Variants in ANAPC10 observed in about 807,000 individuals in gnomAD.
ANAPC10 encodes anaphase-promoting complex subunit 10.
In ANAPC10, 12 loss-of-function variants were observed where a neutral mutation model predicts 22.0. The observed-to-expected ratio is 0.55, with a 90% CI of 0.35 to 0.88. The LOEUF (loss-of-function observed/expected upper bound fraction) is 0.88, where lower values mean the gene tolerates loss of function less well. Among genes scored for constraint, ANAPC10 ranks in the 40% least tolerant of loss-of-function variants. The pLI is 0.01. For synonymous variants in ANAPC10, 65 were observed against 69.5 expected, an observed-to-expected ratio of 0.94 and a Z score of 0.32; for missense variants, 188 against 220.9, an observed-to-expected ratio of 0.85 and a Z score of 0.94.
chr4:145,028,481 T>A (rs993473054), intron 4 of ANAPC10, among the ~76,000 whole-genome samples: 1 of 151,992 alleles, frequency 6.6e-6, no homozygotes, highest in African/African-American at 2.4e-5. Context: ...TATATATACA[T>A]ATCTCCCATT....
chr4:145,000,945 C>G (rs1375362006), intron 4 of ANAPC10, among the ~76,000 whole-genome samples: 1 of 152,034 alleles, frequency 6.6e-6, no homozygotes, highest in Non-Finnish European at 1.5e-5. Flanking sequence ...ATCGCAAGGA[C>G]AGAAAACCAA....
chr4:145,045,223 G>A (rs1740121689), intron 4 of ANAPC10, among the ~76,000 whole-genome samples: 1 of 151,984 alleles, frequency 6.6e-6, no homozygotes, highest in Non-Finnish European at 1.5e-5. Context: ...TATGTGACCA[G>A]GTAATGTGAA....
intron 3 of ANAPC10, among the ~76,000 whole-genome samples, chr4:145,068,411 A>C (rs1295543979): frequency 1.7e-4 from 26 of 152,220 alleles, no homozygotes; most frequent in Admixed American, 1.7e-3. Flanking sequence ...AAAACTAAAT[A>C]TATGTGATAG....
intron 3 of ANAPC10, among the ~76,000 whole-genome samples, chr4:145,077,024 C>A (rs1745299523): frequency 6.6e-6 from 1 of 152,072 alleles, no homozygotes; most frequent in Non-Finnish European, 1.5e-5. Context: ...ACGGTGAAAC[C>A]CTGTCTCCAC....
At chr4:145,087,219 G>A (rs1015706258) in intron 2 of ANAPC10, among the ~76,000 whole-genome samples, 1 of 152,170 alleles carries the variant, frequency 6.6e-6, no homozygotes, top group South Asian at 2.1e-4. Context: ...AGCAGCATTA[G>A]TGGAGCAAGA....
intron 4 of ANAPC10, among the ~76,000 whole-genome samples, chr4:145,025,754 T>A (rs1293789917): frequency 6.6e-6 from 1 of 152,198 alleles, no homozygotes; most frequent in African/African-American, 2.4e-5. Flanking sequence ...ATGGCACTGA[T>A]AGACTTGCTC....
intron 2 of ANAPC10, among the ~76,000 whole-genome samples, chr4:145,090,393 C>T (rs778522250): frequency 6.6e-6 from 1 of 152,130 alleles, no homozygotes; most frequent in Non-Finnish European, 1.5e-5. Context: ...ATATGGAAGG[C>T]TAACTGTCCC....
chr4:145,077,472 A>T (rs948923391), intron 3 of ANAPC10, among the ~76,000 whole-genome samples: 2 of 152,138 alleles, frequency 1.3e-5, no homozygotes, highest in Admixed American at 6.5e-5. Context: ...AACCCTACTG[A>T]AACGATTGCA....
At chr4:145,042,925 A>T (rs1299382623) in intron 4 of ANAPC10, among the ~76,000 whole-genome samples, 1 of 152,134 alleles carries the variant, frequency 6.6e-6, no homozygotes, top group African/African-American at 2.4e-5. Context: ...TCTAAAAAAA[A>T]AACAAAATAA....
intron 3 of ANAPC10, among the ~76,000 whole-genome samples, chr4:145,071,775 T>C (rs913330098): frequency 6.6e-6 from 1 of 152,148 alleles, no homozygotes; most frequent in African/African-American, 2.4e-5. Context: ...ACAAGAGAAC[T>C]GCAGATAAAT....
intron 4 of ANAPC10, among the ~76,000 whole-genome samples, chr4:144,997,077 A>G (rs1372367613): frequency 6.6e-6 from 1 of 152,212 alleles, no homozygotes; most frequent in Non-Finnish European, 1.5e-5. Context: ...TCCAAGAAAT[A>G]TGGTACTATG....
At position 145,081,770 on chromosome 4, in the gene ANAPC10, C is replaced by A; in HGVS notation, c.116-20G>T. ...CAAATCCTAAAAACACCAAAAGTGTCAATAAATCCCTGTGAAAAAGAAACA... is the reference window on the plus strand; with the variant it reads ...CAAATCCTAAAAACACCAAAAGTGTAAATAAATCCCTGTGAAAAAGAAACA... On this transcript the variant is annotated intron_variant, in intron 2 of 4. Coordinates refer to ENST00000507656, the MANE Select transcript of ANAPC10 (RefSeq NM_001256706.2). 2 of 1,536,958 alleles carry A rather than the reference C, an allele frequency of 1.3e-6. No homozygotes were observed. The highest frequency in any genetic ancestry group is 1.2e-5 in the South Asian group (1 of 86,356).
At chr4:145,018,494 C>T (rs1735538883) in intron 4 of ANAPC10, among the ~76,000 whole-genome samples, 2 of 151,968 alleles carry the variant, frequency 1.3e-5, no homozygotes, top group East Asian at 1.9e-4. Flanking sequence ...AAAAATAAGC[C>T]AGGCATGGTG....
intron 4 of ANAPC10, among the ~76,000 whole-genome samples, chr4:145,025,604 T>C (rs13434603): frequency 0.027 from 4,165 of 152,156 alleles, 174 homozygotes; most frequent in African/African-American, 0.095. Flanking sequence ...CCCATAACAA[T>C]GACAATAGTA....
rs181170897 is a variant in ANAPC10, at chr4:145,036,003, A to C, written c.327+28569T>G. Reference sequence around the variant, plus strand: ...TTGCTGTTTCAAGAAAGAGTTTATAATCTGTCAGAGAATTTAGACATATGT... The same window carrying C: ...TTGCTGTTTCAAGAAAGAGTTTATACTCTGTCAGAGAATTTAGACATATGT... On this transcript the variant is annotated intron_variant, in intron 4 of 4. Transcript: ENST00000507656. Among the ~76,000 whole-genome samples, 119 of 152,306 alleles carry C rather than the reference A, an allele frequency of 7.8e-4. 1 individual carries two copies. Among genetic ancestry groups the C allele is most frequent in the African/African-American group, 2.7e-3 (111 of 41,564 alleles).
chr4:145,040,305 C>A (rs1739323231), intron 4 of ANAPC10, among the ~76,000 whole-genome samples: 1 of 152,128 alleles, frequency 6.6e-6, no homozygotes, highest in Non-Finnish European at 1.5e-5. Context: ...TGTGCCACCA[C>A]ACCCAGCTAA....
At chr4:144,999,919 C>A (rs1170488366) in intron 4 of ANAPC10, among the ~76,000 whole-genome samples, 19 of 152,148 alleles carry the variant, frequency 1.2e-4, no homozygotes, top group Admixed American at 1.2e-3. Context: ...ACCATCTCAT[C>A]TTTGATTAAC....
At chr4:145,018,407 G>A (rs1193482229) in intron 4 of ANAPC10, among the ~76,000 whole-genome samples, 2 of 152,026 alleles carry the variant, frequency 1.3e-5, no homozygotes, top group Non-Finnish European at 2.9e-5. Flanking sequence ...GCTCAGGCGG[G>A]CAGATTACTT....
At chr4:145,066,153 G>GCT (rs1186133108) in intron 3 of ANAPC10, among the ~76,000 whole-genome samples, 3 of 152,140 alleles carry the variant, frequency 2.0e-5, no homozygotes, top group African/African-American at 7.2e-5. Flanking sequence ...GGGCTCTGTA[G>GCT]CTCTTAGTAA....
Sources: gnomAD v4.1 joint callset for allele counts (sites outside exome capture counted in the v4.1 genomes callset) on GRCh38, gnomAD v4.1.1 for gene constraint, MANE v1.5 for transcripts, NCBI Gene and HGNC (gene_info 2026-07-23, HGNC 2026-07-21) for gene names.